The following CENPP variants were observed in gnomAD, a reference collection of about 807,000 sequenced individuals.
The protein encoded by CENPP is centromere protein P.
CENPP carries 24 observed loss-of-function variants against 35.6 expected under a neutral mutation model. That is an observed-to-expected ratio of 0.67 (90% CI 0.49 to 0.95). The LOEUF is 0.95. CENPP is among the 40% of genes least tolerant of loss of function. CENPP has a pLI of 0.00. For missense variants in CENPP, 332 were observed against 345.3 expected (o/e 0.96, Z 0.31); for synonymous variants, 120 against 125.5 (o/e 0.96, Z 0.29).
chr9:92,567,045 A>G (rs929403077), intron 5 of CENPP, among the ~76,000 whole-genome samples: 1 of 152,182 alleles, frequency 6.6e-6, no homozygotes, highest in Non-Finnish European at 1.5e-5. Context: ...TACAGTACCC[A>G]GCAAAAAACT....
Position 92,619,975 on chromosome 9 carries a change from G to C in CENPP, c.*6826G>C, listed in dbSNP as rs1851575378. The C allele has an allele frequency of 4.7e-6, 1 of 211,888 alleles. No individual in the cohort carries two copies. The highest frequency in any genetic ancestry group is 1.0e-5 in the Non-Finnish European group (1 of 100,314). 13.1% of individuals were successfully genotyped at this position (211,888 alleles called of 1,614,324 possible). A position where few individuals can be genotyped will look rare whatever the true frequency, so the allele number is the denominator to read the frequency against. ...CTCGACACCTGCAAGGAGAGCGCAG[G>C]GGGTGTTCAGCAAGGCATCGCTTAG... On this transcript the variant is annotated 3_prime_UTR_variant, in exon 8 of 8. Coordinates refer to ENST00000375587, the MANE Select transcript of CENPP (RefSeq NM_001012267.3).
rs760797678 is a variant in CENPP at position 92,415,473 on chromosome 9, C to A, written c.564+35614C>A. On this transcript the variant is annotated intron_variant, in intron 5 of 7. Coordinates refer to ENST00000375587, the MANE Select transcript of CENPP (RefSeq NM_001012267.3). ...TAGAAGGACACATCACTGTAAGATT[C>A]ATCTCTGAAAGAAATAAATTAAAAA... 4.5e-6 allele frequency: 7 copies of A among 1,560,086 alleles called. No homozygotes were observed. The highest frequency in any genetic ancestry group is 1.2e-5 in the South Asian group (1 of 83,670).
intron 5 of CENPP, among the ~76,000 whole-genome samples, chr9:92,488,297 G>A (rs1011971966): frequency 1.3e-5 from 2 of 152,140 alleles, no homozygotes; most frequent in Admixed American, 6.6e-5. Context: ...AGCAGATAAG[G>A]CAGTTTGCCT....
chr9:92,460,417 C>G (rs2131043710), intron 5 of CENPP: 2 of 1,031,056 alleles, frequency 1.9e-6, no homozygotes, highest in Non-Finnish European at 3.0e-6. Flanking sequence ...CTACCAGGGT[C>G]CCTGTGCACA....
chr9:92,532,120 C>T (rs1252432978), intron 5 of CENPP, among the ~76,000 whole-genome samples: 2 of 146,386 alleles, frequency 1.4e-5, no homozygotes, highest in East Asian at 2.0e-4. Flanking sequence ...CTCAACCTTT[C>T]GAGTAGCTGG....
chr9:92,418,075 TTTTTTC>T (rs889488170), intron 5 of CENPP, among the ~76,000 whole-genome samples: 15 of 150,570 alleles, frequency 1.0e-4, no homozygotes, highest in African/African-American at 2.2e-4. Context: ...GTTTTTTTTC[TTTTTTC>T]TTTTTCTTTT....
chr9:92,362,041 T>A (rs527451502), intron 4 of CENPP, among the ~76,000 whole-genome samples: 1 of 152,098 alleles, frequency 6.6e-6, no homozygotes, highest in African/African-American at 2.4e-5. Flanking sequence ...TAAAATAAGA[T>A]AAGATAAGAT....
intron 4 of CENPP, among the ~76,000 whole-genome samples, chr9:92,365,182 A>G (rs1365636590): frequency 6.6e-6 from 1 of 152,166 alleles, no homozygotes; most frequent in Admixed American, 6.5e-5. Flanking sequence ...ATAATATATT[A>G]GATATCGATA....
At chr9:92,484,459 G>A (rs1846007253) in intron 5 of CENPP, among the ~76,000 whole-genome samples, 1 of 152,100 alleles carries the variant, frequency 6.6e-6, no homozygotes, top group Non-Finnish European at 1.5e-5. Flanking sequence ...TCTTGTCACT[G>A]TATAGTATTC....
chr9:92,490,521 T>G (rs1846151142), intron 5 of CENPP, among the ~76,000 whole-genome samples: 1 of 152,252 alleles, frequency 6.6e-6, no homozygotes, highest in African/African-American at 2.4e-5. Flanking sequence ...TGAGGACATT[T>G]TCTATCCTTT....
intron 2 of CENPP, among the ~76,000 whole-genome samples, chr9:92,334,604 G>A (rs1042687616): frequency 2.0e-5 from 3 of 152,104 alleles, no homozygotes; most frequent in African/African-American, 4.8e-5. Context: ...ATCAGGCCAG[G>A]TGCAGTGGCT....
chr9:92,496,645 T>C (rs1424762272), intron 5 of CENPP, among the ~76,000 whole-genome samples: 2 of 152,206 alleles, frequency 1.3e-5, no homozygotes, highest in African/African-American at 4.8e-5. Flanking sequence ...ATGTGAAAGA[T>C]GAAGCCATAG....
chr9:92,521,521 G>A (rs368097161), intron 5 of CENPP, among the ~76,000 whole-genome samples: 6 of 152,196 alleles, frequency 3.9e-5, no homozygotes, highest in Non-Finnish European at 5.9e-5. Context: ...TAGCTGTATT[G>A]AGACAATATA....
At chr9:92,537,389 A>G (rs1468878196) in intron 5 of CENPP, among the ~76,000 whole-genome samples, 1 of 152,106 alleles carries the variant, frequency 6.6e-6, no homozygotes, top group Non-Finnish European at 1.5e-5. Context: ...AGCTGAGTGC[A>G]GTGGCTCACA....
At chr9:92,574,094 C>T (rs541991816) in intron 5 of CENPP, among the ~76,000 whole-genome samples, 15 of 152,052 alleles carry the variant, frequency 9.9e-5, no homozygotes, top group East Asian at 1.9e-4. Context: ...ACCCACTGTC[C>T]GACAAGCCCT....
rs1054517010 is a variant in CENPP, at chr9:92,476,819, G to A, written c.564+96960G>A. Among the ~76,000 whole-genome samples the A allele has an allele frequency of 5.9e-5, 9 of 152,184 alleles. No individual in the cohort carries two copies. Among genetic ancestry groups the A allele is most frequent in the African/African-American group, 2.2e-4 (9 of 41,444 alleles). ...CCAAATATAAATGGAGCCAGAGCTA[G>A]GGCTCATGTGTCCCAACTCCCTGTT... On this transcript the variant is annotated intron_variant, in intron 5 of 7. Transcript: ENST00000375587. This position sits in a 1 kb window ranked among gnomAD's most constrained non-coding sequence, Gnocchi z 4.1.
chr9:92,392,020 A>G (rs1842707847), intron 5 of CENPP, among the ~76,000 whole-genome samples: 1 of 151,910 alleles, frequency 6.6e-6, no homozygotes. Flanking sequence ...TCTCGGTGTG[A>G]TTTTTTTCAG....
rs74617762 is a variant in CENPP at position 92,505,829 on chromosome 9, A to G, written c.565-105485A>G. The G allele has an allele frequency of 6.6e-4, 439 of 665,640 alleles. 3 individuals are homozygous for G. In the African/African-American group the frequency reaches 7.3e-3, roughly 11 times the overall value. The allele number at this position is 665,640 out of a possible 1,614,324, so 41.2% of individuals were successfully genotyped here. On this transcript the variant is annotated intron_variant, in intron 5 of 7. Coordinates refer to ENST00000375587, the MANE Select transcript of CENPP (RefSeq NM_001012267.3). ...TTTTTTTAAACCTTTGTATCCTCCT[A>G]TAAAACCTTTTCTTAAGTACTTTGT... is the stretch of plus-strand genomic sequence containing the variant.
At chr9:92,413,185 C>T (rs1588111986) in intron 5 of CENPP, among the ~76,000 whole-genome samples, 1 of 151,808 alleles carries the variant, frequency 6.6e-6, no homozygotes, top group East Asian at 1.9e-4. Flanking sequence ...TGGGGTTTCT[C>T]CATGTTGGTC....
Sources: gnomAD v4.1 joint callset for allele counts (sites outside exome capture counted in the v4.1 genomes callset) on GRCh38, gnomAD v4.1.1 for gene constraint, Gnocchi (gnomAD v3.1) non-coding constraint, MANE v1.5 for transcripts, NCBI Gene and HGNC (gene_info 2026-07-23, HGNC 2026-07-21) for gene names.